The following EPN3 variants were observed in gnomAD, a reference collection of about 807,000 sequenced individuals.
The protein encoded by EPN3 is epsin-3.
A neutral mutation model predicts 55.5 loss-of-function variants in EPN3; 56 were observed. The observed-to-expected ratio is 1.01, with a 90% confidence interval of 0.81 to 1.26. The LOEUF (loss-of-function observed/expected upper bound fraction) is 1.26, where lower values mean the gene tolerates loss of function less well. Among genes scored for constraint, EPN3 ranks in the 50% most tolerant of loss-of-function variants. The pLI, the probability that EPN3 is intolerant of heterozygous loss-of-function variation, is 0.00. For synonymous variants in EPN3, 449 were observed against 375.2 expected, an observed-to-expected ratio of 1.20 and a Z score of -2.27; for missense variants, 927 against 853.4, an observed-to-expected ratio of 1.09 and a Z score of -1.07.
chr17:50,538,053 T>C (rs1230057782), intron 2 of EPN3, 26 bp from the exon 3 acceptor site: 4 of 1,578,904 alleles, frequency 2.5e-6, no homozygotes, highest in Non-Finnish European at 3.5e-6. Flanking sequence ...AATCGTGTGG[T>C]CACAGAGACA....
At chr17:50,540,484 G>C (rs1186615535) in intron 6 of EPN3, 150 bp downstream of exon 6, 1 of 752,222 alleles carries the variant, frequency 1.3e-6, no homozygotes, top group Non-Finnish European at 2.1e-6. Context: ...TGTGGGACAG[G>C]CTTTCGTAGT....
At chr17:50,541,785 C>T in intron 9 of EPN3, 59 bp from the exon 10 acceptor site, 1 of 1,608,108 alleles carries the variant, frequency 6.2e-7, no homozygotes, top group Non-Finnish European at 8.5e-7. Context: ...CCAACTTCCA[C>T]GACCTCCCGG....
intron 1 of EPN3, among the ~76,000 whole-genome samples, 184 bp downstream of exon 1, chr17:50,533,169 T>G (rs1210173858): frequency 6.6e-6 from 1 of 151,512 alleles, no homozygotes; most frequent in Non-Finnish European, 1.5e-5. Flanking sequence ...AAAAAGGGAC[T>G]CAGGGCCCCC....
rs2034828157 is a variant in EPN3, at chr17:50,540,261, C to T, written c.906C>T (p.Asp302=). 1 of 1,612,548 alleles carries T rather than the reference C, an allele frequency of 6.2e-7. No homozygotes were observed. The highest frequency in any genetic ancestry group is 8.5e-7 in the Non-Finnish European group (1 of 1,179,922). The change falls in exon 6 of 10, where the codon GAC becomes GAT. Residue 302 remains aspartate, a synonymous_variant. Coordinates refer to ENST00000268933, the MANE Select transcript of EPN3 (RefSeq NM_017957.3). The part of the protein sequence containing the change: ...KLKTSQSSIL[D]LADIFVPALA... Reference sequence around the variant, plus strand: ...CCCCTCCACAGTCCTCCATCCTGGACTTGGCTGACATCTTCGTACCTGCCC... The same window carrying T: ...CCCCTCCACAGTCCTCCATCCTGGATTTGGCTGACATCTTCGTACCTGCCC...
chr17:50,541,359 G>A (rs1567905527), intron 8 of EPN3, 26 bp downstream of exon 8: 9 of 1,609,582 alleles, frequency 5.6e-6, no homozygotes, highest in Non-Finnish European at 5.9e-6. Flanking sequence ...GGATGGTGAG[G>A]CTCTGGGGAA....
intron 1 of EPN3, 103 bp downstream of exon 1, chr17:50,533,088 C>A: frequency 2.9e-6 from 2 of 698,442 alleles, no homozygotes; most frequent in Non-Finnish European, 4.1e-6. Flanking sequence ...TTTCCAGGTG[C>A]GAGGGAGAAG....
chr17:50,538,131 G>C lies in EPN3; in HGVS notation c.615G>C (p.Gln205His). The change falls in exon 3 of 10, where the codon CAG becomes CAC. Residue 205 changes from glutamine to histidine, a missense_variant. Gln to His is a conservative substitution (Grantham distance 24). Transcript: ENST00000268933. ...CCGACCTGGAGCAGGCCCGGCCTCAGACGTCAGGGGAAGAGGAACTGCAGC... is the reference window on the plus strand; with the variant it reads ...CCGACCTGGAGCAGGCCCGGCCTCACACGTCAGGGGAAGAGGAACTGCAGC... ...YTSDLEQARPQTSGEEELQLQ... is the reference protein window; with the variant it reads ...YTSDLEQARPHTSGEEELQLQ... 6.2e-7 allele frequency: 1 copy of C among 1,613,970 alleles called. No homozygotes were observed. Among genetic ancestry groups the C allele is most frequent in the Non-Finnish European group, 8.5e-7 (1 of 1,180,006 alleles).
chr17:50,533,976 T>C (rs2034719965), intron 1 of EPN3, among the ~76,000 whole-genome samples: 1 of 152,204 alleles, frequency 6.6e-6, no homozygotes, highest in South Asian at 2.1e-4. Context: ...CTCCCTTTTA[T>C]TTCTGGGCAT....
chr17:50,542,097 G>C lies in EPN3; in HGVS notation c.1839G>C (p.Thr613=). ...TCGCACCGCAGCCGCTGCTGCCCAC[G>C]CCGAGCTCAGCCGGGCCGCGGCCCC... is the stretch of plus-strand genomic sequence containing the variant. ...GAFAPQPLLP[T]PSSAGPRPPP... The change falls in exon 10 of 10, where the codon ACG becomes ACC. Residue 613 remains threonine (T), a synonymous_variant. Coordinates refer to ENST00000268933, the MANE Select transcript of EPN3 (RefSeq NM_017957.3). 2 of 1,556,632 alleles carry C rather than the reference G, an allele frequency of 1.3e-6. No individual in the cohort carries two copies. The highest frequency in any genetic ancestry group is 2.5e-5 in the East Asian group (1 of 40,682).
intron 5 of EPN3, 44 bp from the exon 6 acceptor site, chr17:50,540,203 G>A: frequency 6.4e-7 from 1 of 1,551,738 alleles, no homozygotes; most frequent in East Asian, 2.2e-5. Flanking sequence ...CCTCCCTCCA[G>A]GCCCCGCCCA....
In EPN3 at chr17:50,538,351, G is replaced by C. The variant is rs916960752; in HGVS notation, c.681+154G>C. ...GACCCATTATCTCTGTCGGTTTGTC[G>C]CAGGCAGGGACTGCCTCCCTGCCTC... On this transcript the variant is annotated intron_variant, in intron 3 of 9. Coordinates refer to ENST00000268933, the MANE Select transcript of EPN3 (RefSeq NM_017957.3). 17 of 618,648 alleles carry C rather than the reference G, an allele frequency of 2.7e-5. No individual in the cohort carries two copies. The East Asian group carries it at 4.8e-4, about 17-fold the overall frequency. The allele number at this position is 618,648 out of a possible 1,614,324, so 38.3% of individuals were successfully genotyped here. A position where few individuals can be genotyped will look rare whatever the true frequency, so the allele number is the denominator to read the frequency against.
intron 7 of EPN3, 49 bp from the exon 8 acceptor site, chr17:50,541,180 C>A: frequency 6.2e-7 from 1 of 1,610,502 alleles, no homozygotes; most frequent in Admixed American, 1.7e-5. Flanking sequence ...GTCAGACCAA[C>A]ACCTGCCCTT....
rs1466591023 is a variant in EPN3, at chr17:50,543,115, A to G, written c.*958A>G. 2.0e-5 allele frequency: 3 copies of G among 152,174 alleles called. No homozygotes were observed. Among genetic ancestry groups the G allele is most frequent in the African/African-American group, 7.2e-5 (3 of 41,426 alleles). 9.4% of individuals were successfully genotyped at this position (152,174 alleles called of 1,614,324 possible). On this transcript the variant is annotated 3_prime_UTR_variant, in exon 10 of 10. Transcript: ENST00000268933. ...GCTGGGCTCACCTTGGAGGGATCCA[A>G]CCTCCAGGAGCTCGAGCGCAGCAGG...
At chr17:50,535,514 A>G (rs2034746371) in intron 1 of EPN3, among the ~76,000 whole-genome samples, 2 of 152,186 alleles carry the variant, frequency 1.3e-5, no homozygotes, top group East Asian at 3.9e-4. Context: ...CCCAGGTCAT[A>G]GCATTTCTTC....
intron 7 of EPN3, 77 bp from the exon 8 acceptor site, chr17:50,541,152 C>T (rs2034843574): frequency 1.0e-5 from 16 of 1,601,484 alleles, no homozygotes; most frequent in Middle Eastern, 1.7e-4. Flanking sequence ...GTTAGGAGGA[C>T]AGCTTCTCTG....
Position 50,536,928 on chromosome 17 carries a change from C to A in EPN3, c.372C>A (p.Arg124=), listed in dbSNP as rs139261708. 6.2e-7 allele frequency: 1 copy of A among 1,614,128 alleles called. No individual in the cohort carries two copies. Among genetic ancestry groups the A allele is most frequent in the East Asian group, 2.2e-5 (1 of 44,884 alleles). The part of the protein sequence containing the change: ...RDGKDQGVNV[R]EKVKQVMALL... ...GCAAGGACCAGGGCGTCAACGTGCG[C>A]GAGAAGGTCAAGCAGGTGATGGCCC... Residue 124 remains arginine (R), a synonymous_variant, in exon 2 of 10, where the codon CGC becomes CGA. Coordinates refer to ENST00000268933, the MANE Select transcript of EPN3 (RefSeq NM_017957.3).
intron 5 of EPN3, among the ~76,000 whole-genome samples, chr17:50,539,719 G>A (rs893469959): frequency 1.3e-5 from 2 of 152,192 alleles, no homozygotes; most frequent in South Asian, 2.1e-4. Flanking sequence ...AAAACACCTC[G>A]GGCTCATGGA....
At chr17:50,538,014 C>A in intron 2 of EPN3, 65 bp from the exon 3 acceptor site, 1 of 1,317,762 alleles carries the variant, frequency 7.6e-7, no homozygotes, top group South Asian at 1.2e-5. Context: ...AGCTTCCTGG[C>A]AGGCAGAGGG....
At chr17:50,537,247 G>GT in intron 2 of EPN3, 129 bp downstream of exon 2, 1 of 1,013,080 alleles carries the variant, frequency 9.9e-7, no homozygotes, top group Non-Finnish European at 1.4e-6. Context: ...CATAAGGAAT[G>GT]TAACACGCAA....
Sources: allele counts gnomAD v4.1 joint callset (sites outside exome capture counted in the v4.1 genomes callset), GRCh38; gene constraint gnomAD v4.1.1; transcripts MANE v1.5; gene names NCBI Gene and HGNC (gene_info 2026-07-23, HGNC 2026-07-21).